SMARCA4: variants seen among roughly 807,000 people sequenced by gnomAD.
The protein encoded by SMARCA4 is SWI/SNF related BAF chromatin remodeling complex subunit ATPase 4, also known as SWI/SNF-related matrix-associated actin-dependent regulator of chromatin subfamily A member 4.
In SMARCA4, 31 loss-of-function variants were observed where a neutral mutation model predicts 193.9. That is an observed-to-expected ratio of 0.16 (90% CI 0.12 to 0.22). The LOEUF (loss-of-function observed/expected upper bound fraction) is 0.22. Ranked by LOEUF, SMARCA4 falls within the 10% of genes least tolerant of loss-of-function variation. The pLI is 1.00. For missense variants in SMARCA4, 1,148 were observed against 2,296.0 expected (o/e 0.50, Z 10.22); for synonymous variants, 942 against 933.1 (o/e 1.01, Z -0.17).
intron 24 of SMARCA4, among the ~76,000 whole-genome samples, chr19:11,029,551 G>A (rs749579461): frequency 1.3e-5 from 2 of 152,270 alleles, no homozygotes; most frequent in Admixed American, 1.3e-4. Flanking sequence ...CTCCGAGCTG[G>A]AGTAGCAGGG....
At chr19:11,013,413 T>C (rs953005138) in intron 16 of SMARCA4, among the ~76,000 whole-genome samples, 5 of 152,150 alleles carry the variant, frequency 3.3e-5, no homozygotes, top group African/African-American at 1.2e-4. Context: ...TGGATGAGGG[T>C]GCATCCTAAT....
At position 11,041,170 on chromosome 19, in the gene SMARCA4, C is replaced by T. The variant is rs1021037739; in HGVS notation, c.4171-137C>T. ...GAGAGTCCCAGTGTGTGTTATGCCCCGAGCCAGTCAAGCTGAAGGGAGAGC... is the reference window on the plus strand; with the variant it reads ...GAGAGTCCCAGTGTGTGTTATGCCCTGAGCCAGTCAAGCTGAAGGGAGAGC... On this transcript the variant is annotated intron_variant, in intron 29 of 34. Transcript: ENST00000344626. The surrounding 1 kb of genome is among the most constrained non-coding windows in gnomAD (Gnocchi z 5.6). 11 of 912,942 alleles carry T rather than the reference C, an allele frequency of 1.2e-5. No homozygotes were observed. Among genetic ancestry groups the T allele is most frequent in the Admixed American group, 2.2e-5 (1 of 45,504 alleles). 56.6% of individuals were successfully genotyped at this position (912,942 alleles called of 1,614,324 possible). A position where few individuals can be genotyped will look rare whatever the true frequency, so the allele number is the denominator to read the frequency against.
At chr19:11,021,644 T>C (rs2089882701) in intron 18 of SMARCA4, 81 bp from the exon 19 acceptor site, 1 of 1,521,850 alleles carries the variant, frequency 6.6e-7, no homozygotes, top group South Asian at 1.2e-5. Context: ...TCCTGGCTGC[T>C]GGGCGCAGAG....
chr19:11,019,377 G>A lies in SMARCA4; in HGVS notation c.2506-214G>A. The A allele has an allele frequency of 3.2e-6, 2 of 616,556 alleles. No homozygotes were observed. The highest frequency in any genetic ancestry group is 3.8e-5 in the South Asian group (2 of 52,920). 38.2% of individuals were successfully genotyped at this position (616,556 alleles called of 1,614,324 possible). On this transcript the variant is annotated intron_variant, in intron 17 of 34. Transcript: ENST00000344626. This position sits in a 1 kb window ranked among gnomAD's most constrained non-coding sequence, Gnocchi z 6.1. ...TTCCCTCAGGCCCCGGCCGCCGCTG[G>A]CCTGCACTGCTTCCTCTTCCCCCTG... is the stretch of plus-strand genomic sequence containing the variant.
chr19:11,054,125 CGCTGGCTCAGTATCTCCCAAGTAGA>C (rs2076411525), intron 30 of SMARCA4, among the ~76,000 whole-genome samples: 1 of 152,238 alleles, frequency 6.6e-6, no homozygotes, highest in East Asian at 1.9e-4. Context: ...GCACCACTCA[CGCTGGCTCAGTATCTCCCAAGTAGA>C]GCATTTCCCC....
chr19:10,982,713 C>T (rs758531366), intron 1 of SMARCA4, among the ~76,000 whole-genome samples: 6 of 151,924 alleles, frequency 3.9e-5, no homozygotes, highest in Non-Finnish European at 7.4e-5. Flanking sequence ...ACCATGTTAC[C>T]CAGGATGGTC....
At chr19:11,051,858 G>A (rs1461693728) in intron 30 of SMARCA4, among the ~76,000 whole-genome samples, 1 of 152,122 alleles carries the variant, frequency 6.6e-6, no homozygotes, top group Non-Finnish European at 1.5e-5. Context: ...AGCACTTTGG[G>A]AGGCTGAGGC....
At chr19:10,980,874 C>T (rs1460106360) in intron 1 of SMARCA4, 1 of 152,276 alleles carries the variant, frequency 6.6e-6, no homozygotes, top group Non-Finnish European at 1.5e-5. Flanking sequence ...ACCTCAGCCT[C>T]CCAAGTAGCT....
chr19:10,966,312 C>T (rs532348716), intron 1 of SMARCA4, among the ~76,000 whole-genome samples: 10 of 152,172 alleles, frequency 6.6e-5, no homozygotes, highest in South Asian at 4.1e-4. Flanking sequence ...AATGTTCAGC[C>T]GAGTGTGGTG....
chr19:11,049,481 C>T (rs1187892922), intron 30 of SMARCA4, among the ~76,000 whole-genome samples: 3 of 143,562 alleles, frequency 2.1e-5, no homozygotes, highest in African/African-American at 5.0e-5. Flanking sequence ...TCCCTGGGTT[C>T]TGTGTTTTTT....
intron 1 of SMARCA4, among the ~76,000 whole-genome samples, chr19:10,961,941 T>G (rs1455322047): frequency 6.6e-6 from 1 of 152,076 alleles, no homozygotes; most frequent in East Asian, 1.9e-4. Flanking sequence ...TGGGCGAGTG[T>G]TTTGTCCCGA....
At chr19:11,061,696 C>A (rs2147154770) in intron 34 of SMARCA4, 88 bp from the exon 35 acceptor site, 2 of 1,300,666 alleles carry the variant, frequency 1.5e-6, no homozygotes, top group Non-Finnish European at 2.2e-6. Context: ...TTTTCTTGAG[C>A]AAGTTTATTT....
intron 16 of SMARCA4, 112 bp from the exon 17 acceptor site, chr19:11,018,842 ACTC>A: frequency 1.2e-6 from 1 of 850,780 alleles, no homozygotes; most frequent in Non-Finnish European, 2.1e-6. Flanking sequence ...TTCTCTGCCC[ACTC>A]GGAGGGCTGT....
chr19:11,025,700 C>G, intron 22 of SMARCA4, 192 bp downstream of exon 22: 1 of 607,334 alleles, frequency 1.6e-6, no homozygotes. Flanking sequence ...TAGGGCGCAA[C>G]GTGCGATAGG....
chr19:11,035,236 T>G, intron 29 of SMARCA4, 104 bp downstream of exon 29: 1 of 1,088,712 alleles, frequency 9.2e-7, no homozygotes, highest in Non-Finnish European at 1.4e-6. Context: ...CAAAATGCTT[T>G]CCTTGGGCCA....
At chr19:11,057,764 T>G (rs944709779) in intron 30 of SMARCA4, among the ~76,000 whole-genome samples, 5 of 151,694 alleles carry the variant, frequency 3.3e-5, no homozygotes, top group African/African-American at 1.2e-4. Flanking sequence ...ATCACAGGCC[T>G]GTTTGTGTGG....
chr19:10,987,753 C>G lies in SMARCA4; in HGVS notation c.947C>G (p.Pro316Arg). 1 of 1,601,610 alleles carries G rather than the reference C, an allele frequency of 6.2e-7. No homozygotes were observed. Among genetic ancestry groups the G allele is most frequent in the South Asian group, 1.1e-5 (1 of 89,884 alleles). The change falls in exon 6 of 35, where the codon CCT (proline) becomes CGT (arginine). Residue 316 changes from proline (P) to arginine (R), a missense_variant. Physicochemically the swap from Pro to Arg is moderately radical, Grantham distance 103. Coordinates refer to ENST00000344626, the MANE Select transcript of SMARCA4 (RefSeq NM_003072.5). The surrounding 1 kb of genome is among the most constrained non-coding windows in gnomAD (Gnocchi z 5.3). ...QPTGRPSPAP[P>R]AVPPAASPVM... ...ACGGGCCGCCCTTCCCCCGCGCCCC[C>G]TGCCGTCCCACCCGCCGCCTCGCCC...
chr19:10,992,243 C>T (rs919913904), intron 8 of SMARCA4, among the ~76,000 whole-genome samples: 4 of 150,262 alleles, frequency 2.7e-5, no homozygotes, highest in African/African-American at 9.8e-5. Context: ...TACCTAGTAG[C>T]TGGGATTACA....
chr19:11,039,473 G>T lies in SMARCA4; in HGVS notation c.4171-1834G>T, dbSNP rs1555787123. 6 of 1,597,938 alleles carry T rather than the reference G, an allele frequency of 3.8e-6. No homozygotes were observed. The highest frequency in any genetic ancestry group is 5.1e-6 in the Non-Finnish European group (6 of 1,173,244). Reference sequence around the variant, plus strand: ...TTTGTTGTAGAAAATTACAGGAAAAGATATCCATGACACAGCCAGCAGTGT... The same window carrying T: ...TTTGTTGTAGAAAATTACAGGAAAATATATCCATGACACAGCCAGCAGTGT... On this transcript the variant is annotated intron_variant, in intron 29 of 34. Coordinates refer to ENST00000344626, the MANE Select transcript of SMARCA4 (RefSeq NM_003072.5).
Sources: gnomAD v4.1 joint callset for allele counts (sites outside exome capture counted in the v4.1 genomes callset) on GRCh38, gnomAD v4.1.1 for gene constraint, Gnocchi (gnomAD v3.1) non-coding constraint, MANE v1.5 for transcripts, NCBI Gene and HGNC (gene_info 2026-07-23, HGNC 2026-07-21) for gene names.